The following PON1 variants were observed in gnomAD, a reference collection of about 807,000 sequenced individuals.
The protein encoded by PON1 is paraoxonase 1.
PON1 carries 37 observed loss-of-function variants against 39.2 expected under a neutral mutation model. The ratio of observed to expected loss-of-function variants is 0.94; its 90% CI spans 0.73 to 1.24. The LOEUF (loss-of-function observed/expected upper bound fraction) is 1.24. Among genes scored for constraint, PON1 ranks in the 50% most tolerant of loss-of-function variants. PON1 has a pLI of 0.00. For synonymous variants in PON1, 148 were observed against 152.2 expected (o/e 0.97, Z 0.21); for missense variants, 397 against 413.5 (o/e 0.96, Z 0.35).
intron 6 of PON1, 22 bp downstream of exon 6, chr7:95,307,989 A>G: frequency 6.3e-7 from 1 of 1,596,550 alleles, no homozygotes; most frequent in Non-Finnish European, 8.6e-7. Context: ...TAAATCCACT[A>G]CATTTCAGAG....
chr7:95,305,295 T>G (rs988720748), intron 7 of PON1, among the ~76,000 whole-genome samples: 2 of 152,194 alleles, frequency 1.3e-5, no homozygotes, highest in African/African-American at 4.8e-5. Flanking sequence ...GGCTCTAGTT[T>G]GCTCTTGGTC....
At position 95,318,310 on chromosome 7, in the gene PON1, C is replaced by T; in HGVS notation, c.145+13G>A. ...AAGTTCAAATGAGACCCTTCTTCCT[C>T]TCACATACATACCGATTCCTTTAAC... On this transcript the variant is annotated intron_variant, in intron 2 of 8. Transcript: ENST00000222381. The T allele has an allele frequency of 6.3e-7, 1 of 1,588,840 alleles. No homozygotes were observed. The highest frequency in any genetic ancestry group is 8.6e-7 in the Non-Finnish European group (1 of 1,157,202).
intron 1 of PON1, among the ~76,000 whole-genome samples, chr7:95,323,394 CT>C (rs1362819949): frequency 4.6e-5 from 7 of 152,222 alleles, no homozygotes; most frequent in East Asian, 3.9e-4. Context: ...CTGCTTCTTA[CT>C]TTTTTTCTGC....
rs10638749 is a variant in PON1, at chr7:95,301,923, T to TAAAA, written c.909+278_909+281dup. Among the ~76,000 whole-genome samples, 6 of 135,598 alleles carry TAAAA rather than the reference T, an allele frequency of 4.4e-5. 1 individual carries two copies. Among genetic ancestry groups the TAAAA allele is most frequent in the South Asian group, 5.0e-4 (2 of 4,016 alleles). The allele number at this position is 135,598 out of a possible 152,430, so 89.0% of individuals were successfully genotyped here. ...CAACAGGATGAAACCCTGTCTCTACTAAAAAAAAAAAAAAATACAAAAAAT... is the reference window on the plus strand; with the variant it reads ...CAACAGGATGAAACCCTGTCTCTACTAAAAAAAAAAAAAAAAAAATACAAAAAAT... On this transcript the variant is annotated intron_variant, in intron 8 of 8. Coordinates refer to ENST00000222381, the MANE Select transcript of PON1 (RefSeq NM_000446.7).
In PON1 at chr7:95,308,185, G is replaced by C; in HGVS notation, c.524C>G (p.Pro175Arg). 6.2e-7 allele frequency: 1 copy of C among 1,614,042 alleles called. No homozygotes were observed. The change falls in exon 6 of 9, where the codon CCT becomes CGT. Residue 175 changes from proline to arginine, a missense_variant. By Grantham distance (103) the Pro-to-Arg change is moderately radical. Transcript: ENST00000222381. ...PNLNDIVAVG[P>R]EHFYGTNDHY... ...ATCATTTGTGCCATAAAAGTGCTCA[G>C]GTCCCACAGCAACAATATCATTCAA...
chr7:95,306,430 A>G (rs533533753), intron 6 of PON1, 64 bp from the exon 7 acceptor site: 1 of 1,146,192 alleles, frequency 8.7e-7, no homozygotes, highest in Non-Finnish European at 1.3e-6. Context: ...ATTAAGATGA[A>G]GTTGTAATAC....
chr7:95,310,379 G>T lies in PON1; in HGVS notation c.497+1072C>A, dbSNP rs542576373. Among the ~76,000 whole-genome samples the T allele has an allele frequency of 3.3e-5, 5 of 152,288 alleles. No individual in the cohort carries two copies. In the South Asian group the frequency reaches 1.0e-3, roughly 32 times the overall value. On this transcript the variant is annotated intron_variant, in intron 5 of 8. Coordinates refer to ENST00000222381, the MANE Select transcript of PON1 (RefSeq NM_000446.7). The stretch of plus-strand genomic sequence containing the variant: ...ACTGTTCTCTACTTTAAATCTTGGT[G>T]TTCCTCACATTCTCCACTCAGTGAC...
At position 95,307,992 on chromosome 7, in the gene PON1, T is replaced by C; in HGVS notation, c.698+19A>G. ...TGAGAATCTGAGTAAATCCACTACA[T>C]TTCAGAGAGTTCACATACTTGCCAT... On this transcript the variant is annotated intron_variant, in intron 6 of 8. Coordinates refer to ENST00000222381, the MANE Select transcript of PON1 (RefSeq NM_000446.7). 2 of 1,601,520 alleles carry C rather than the reference T, an allele frequency of 1.2e-6. No individual in the cohort carries two copies. The highest frequency in any genetic ancestry group is 1.3e-5 in the African/African-American group (1 of 74,728).
intron 5 of PON1, among the ~76,000 whole-genome samples, chr7:95,308,712 A>T (rs1302834661): frequency 6.6e-6 from 1 of 152,212 alleles, no homozygotes; most frequent in Non-Finnish European, 1.5e-5. Flanking sequence ...GTGTGATCTA[A>T]GAAAAATCAA....
At chr7:95,302,366 CAT>C (rs756619244) in intron 7 of PON1, 33 bp from the exon 8 acceptor site, 11 of 1,586,422 alleles carry the variant, frequency 6.9e-6, no homozygotes, top group Middle Eastern at 1.7e-4. Context: ...AAGAACAAGA[CAT>C]AAAGTAAAAC....
At chr7:95,300,365 C>G (rs941143098) in intron 8 of PON1, among the ~76,000 whole-genome samples, 1 of 152,152 alleles carries the variant, frequency 6.6e-6, no homozygotes, top group African/African-American at 2.4e-5. Flanking sequence ...TATTATTAAG[C>G]CTTTATGATA....
Position 95,306,289 on chromosome 7 carries a change from A to C in PON1, c.776T>G (p.Leu259Trp). Residue 259 changes from leucine (L) to tryptophan (W), a missense_variant, in exon 7 of 9, where the codon TTG (leucine) becomes TGG (tryptophan). Transcript: ENST00000222381. ...EKHANWTLTP[L>W]KSLDFNTLVD... ...TACAGTGTTAATACGTCTTACCTTC[A>C]ATGGAGTTAAAGTCCAATTAGCATG... is the stretch of plus-strand genomic sequence containing the variant. 6.2e-7 allele frequency: 1 copy of C among 1,603,892 alleles called. No individual in the cohort carries two copies. Among genetic ancestry groups the C allele is most frequent in the South Asian group, 1.1e-5 (1 of 90,890 alleles).
chr7:95,311,113 C>T (rs1302556697), intron 5 of PON1, among the ~76,000 whole-genome samples: 1 of 152,126 alleles, frequency 6.6e-6, no homozygotes, highest in African/African-American at 2.4e-5. Context: ...AATAAATAAG[C>T]TCATGATGTC....
At chr7:95,302,096 CAAAAAA>C (rs770841829) in intron 8 of PON1, 103 bp downstream of exon 8, 4,663 of 320,966 alleles carry the variant, frequency 0.015, 23 homozygotes, top group African/African-American at 0.11. Context: ...TACTCTGTCA[CAAAAAA>C]AAAAAAAAAA....
Position 95,311,450 on chromosome 7 carries a change from C to T in PON1, c.497+1G>A, listed in dbSNP as rs1267286184. 2.5e-6 allele frequency: 4 copies of T among 1,614,002 alleles called. No homozygotes were observed. Among genetic ancestry groups the T allele is most frequent in the South Asian group, 2.2e-5 (2 of 91,080 alleles). On this transcript the variant is annotated splice_donor_variant, in intron 5 of 8. Coordinates refer to ENST00000222381, the MANE Select transcript of PON1 (RefSeq NM_000446.7). LOFTEE classifies it high-confidence loss of function. ...AATAGAAATGTGATATATCTCAGTA[C>T]TTAGGCAGAAGTTTATGTCTGATGG...
intron 4 of PON1, among the ~76,000 whole-genome samples, chr7:95,313,616 ATATG>A (rs988156019): frequency 7.2e-5 from 5 of 69,578 alleles, no homozygotes; most frequent in Non-Finnish European, 1.1e-4. Context: ...ATATATATGT[ATATG>A]TGTGTGTGTG....
In PON1 at chr7:95,299,199, T is replaced by C. The variant is rs1807362356; in HGVS notation, c.910-97A>G. On this transcript the variant is annotated intron_variant, in intron 8 of 8. Transcript: ENST00000222381. ...ATCCTCCATAAGAAGCCATATAATC[T>C]TATACAATGAGATAAATCCTATTTT... 7 of 1,260,156 alleles carry C rather than the reference T, an allele frequency of 5.6e-6. No individual in the cohort carries two copies. The Admixed American group carries it at 1.2e-4, about 21-fold the overall frequency. 78.1% of individuals were successfully genotyped at this position (1,260,156 alleles called of 1,614,324 possible). A position where few individuals can be genotyped will look rare whatever the true frequency, so the allele number is the denominator to read the frequency against.
chr7:95,318,284 G>A, intron 2 of PON1, 39 bp downstream of exon 2: 1 of 1,526,124 alleles, frequency 6.6e-7, no homozygotes, highest in Non-Finnish European at 9.1e-7. Context: ...AAAAATACCG[G>A]AAGTTCAAAT....
chr7:95,319,010 G>C (rs530360463), intron 1 of PON1, among the ~76,000 whole-genome samples: 4 of 152,180 alleles, frequency 2.6e-5, no homozygotes, highest in Non-Finnish European at 1.5e-5. Flanking sequence ...AAAGGACAAA[G>C]GAAAAATGAA....
Sources: allele counts gnomAD v4.1 joint callset (sites outside exome capture counted in the v4.1 genomes callset), GRCh38; gene constraint gnomAD v4.1.1; transcripts MANE v1.5; gene names NCBI Gene and HGNC (gene_info 2026-07-23, HGNC 2026-07-21).